CHRM2: variants seen among roughly 807,000 people sequenced by gnomAD.
CHRM2 encodes the protein muscarinic acetylcholine receptor M2.
CHRM2 carries 8 observed loss-of-function variants against 25.0 expected under a neutral mutation model. The ratio of observed to expected loss-of-function variants is 0.32; its 90% CI spans 0.19 to 0.58. CHRM2 has a LOEUF of 0.58. CHRM2 is among the 20% of genes least tolerant of loss of function. The pLI, the probability that CHRM2 is intolerant of heterozygous loss-of-function variation, is 0.88. For synonymous variants in CHRM2, 202 were observed against 205.7 expected (o/e 0.98, Z 0.15); for missense variants, 440 against 567.1 (o/e 0.78, Z 2.28).
At chr7:136,910,361 G>A (rs1226343760) in intron 2 of CHRM2, among the ~76,000 whole-genome samples, 1 of 151,740 alleles carries the variant, frequency 6.6e-6, no homozygotes, top group Admixed American at 6.6e-5. Context: ...CTTATTTTCA[G>A]GGAGTTTGAA....
rs1397644187 is a variant in CHRM2, at chr7:136,972,386, A to G, written c.-124-19801A>G. 3.3e-5 allele frequency among the ~76,000 whole-genome samples: 5 copies of G among 152,116 alleles called. No individual in the cohort carries two copies. The South Asian group carries it at 6.2e-4, about 19-fold the overall frequency. On this transcript the variant is annotated intron_variant, in intron 2 of 3. Coordinates refer to ENST00000680005, the MANE Select transcript of CHRM2 (RefSeq NM_001006630.2). ...TCCAACCTAGAGGATAGCAGCATATATTACTTTATATATCTTGTTTCCAGA... is the reference window on the plus strand; with the variant it reads ...TCCAACCTAGAGGATAGCAGCATATGTTACTTTATATATCTTGTTTCCAGA...
intron 2 of CHRM2, chr7:136,902,780 A>ATCTCGGTGGTCGCCGTAT: frequency 8.3e-6 from 2 of 241,354 alleles, no homozygotes; most frequent in Non-Finnish European, 8.1e-6. Context: ...AGACGTGTAG[A>ATCTCGGTGGTCGCCGTAT]CATTAAACTT....
chr7:136,877,382 ACTT>A (rs1356911927), intron 2 of CHRM2, among the ~76,000 whole-genome samples: 1 of 152,074 alleles, frequency 6.6e-6, no homozygotes, highest in Admixed American at 6.6e-5. Context: ...AGTCTCGGCT[ACTT>A]AAGAAATAAG....
chr7:136,892,686 T>TC (rs1796739371), intron 2 of CHRM2, among the ~76,000 whole-genome samples: 1 of 151,646 alleles, frequency 6.6e-6, no homozygotes, highest in African/African-American at 2.4e-5. Context: ...TTTTTTTTTT[T>TC]TGATACAGGG....
rs1170771699 is a variant in CHRM2, at chr7:136,868,784, A to G, written c.-491A>G. 3 of 151,724 alleles carry G rather than the reference A, an allele frequency of 2.0e-5. No homozygotes were observed. The East Asian group carries it at 5.9e-4, about 30-fold the overall frequency. 9.4% of individuals were successfully genotyped at this position (151,724 alleles called of 1,614,324 possible). ...CACACACACACACACAGACACACAC[A>G]CACTCACACACTCCAGGCTGCGGGT... On this transcript the variant is annotated 5_prime_UTR_variant, in exon 1 of 4. Coordinates refer to ENST00000680005, the MANE Select transcript of CHRM2 (RefSeq NM_001006630.2).
intron 2 of CHRM2, among the ~76,000 whole-genome samples, chr7:136,882,447 C>T (rs1485595400): frequency 6.0e-5 from 9 of 151,220 alleles, no homozygotes; most frequent in Admixed American, 6.0e-4. Flanking sequence ...CCTCCTTCCC[C>T]CTCCTTCTTC....
intron 2 of CHRM2, among the ~76,000 whole-genome samples, chr7:136,960,987 G>A (rs1158538147): frequency 6.6e-6 from 1 of 152,116 alleles, no homozygotes; most frequent in African/African-American, 2.4e-5. Context: ...AATTAGCCAG[G>A]CGTGGTGGCA....
At chr7:136,874,301 T>C (rs1007879920) in intron 2 of CHRM2, among the ~76,000 whole-genome samples, 1 of 152,210 alleles carries the variant, frequency 6.6e-6, no homozygotes, top group South Asian at 2.1e-4. Flanking sequence ...TAGGTTCCAG[T>C]TGGTTTGCCT....
chr7:136,897,974 A>C (rs1266983214), intron 2 of CHRM2, among the ~76,000 whole-genome samples: 1 of 152,108 alleles, frequency 6.6e-6, no homozygotes, highest in Non-Finnish European at 1.5e-5. Flanking sequence ...ATCAGCTTAC[A>C]CTGAGATACA....
rs1805119053 is a variant in CHRM2, at chr7:137,015,585, A to G, written c.720A>G (p.Ile240Met). The change falls in exon 4 of 4, where the codon ATA becomes ATG. Residue 240 changes from isoleucine (I) to methionine (M), a missense_variant. Physicochemically the swap from Ile to Met is conservative, Grantham distance 10 (BLOSUM62 1). This residue lies in a region of CHRM2 where 261 missense variants were observed against 261.8 expected (regional missense o/e 1.00). Coordinates refer to ENST00000680005, the MANE Select transcript of CHRM2 (RefSeq NM_001006630.2). This position sits in a 1 kb window ranked among gnomAD's most constrained non-coding sequence, Gnocchi z 5.1. ...PVSPSLVQGR[I>M]VKPNNNNMPS... ...CTCCAAGTCTGGTACAAGGAAGGAT[A>G]GTGAAGCCAAACAATAACAACATGC... The G allele has an allele frequency of 1.2e-6, 2 of 1,612,948 alleles. No homozygotes were observed.
chr7:136,891,425 T>C (rs990354654), intron 2 of CHRM2, among the ~76,000 whole-genome samples: 5 of 152,172 alleles, frequency 3.3e-5, no homozygotes, highest in Admixed American at 6.5e-5. Flanking sequence ...TGTTTTTCTC[T>C]GGTTAGAATG....
chr7:136,901,623 C>A (rs1797214696), intron 2 of CHRM2, among the ~76,000 whole-genome samples: 1 of 151,840 alleles, frequency 6.6e-6, no homozygotes, highest in African/African-American at 2.4e-5. Context: ...TTTTTTCCCC[C>A]ATTTCCATTG....
At chr7:136,893,063 T>G (rs1021486704) in intron 2 of CHRM2, among the ~76,000 whole-genome samples, 1 of 152,120 alleles carries the variant, frequency 6.6e-6, no homozygotes. Flanking sequence ...TGTTCTCTCT[T>G]CCTAAAGAGA....
intron 2 of CHRM2, among the ~76,000 whole-genome samples, chr7:136,976,882 G>A (rs2130954499): frequency 6.6e-6 from 1 of 152,254 alleles, no homozygotes; most frequent in East Asian, 1.9e-4. Flanking sequence ...ATTCACTGGT[G>A]ATATTTGCTT....
rs1805286987 is a variant in CHRM2 at position 137,018,440 on chromosome 7, A to C, written c.*2174A>C. On this transcript the variant is annotated 3_prime_UTR_variant, in exon 4 of 4. Coordinates refer to ENST00000680005, the MANE Select transcript of CHRM2 (RefSeq NM_001006630.2). The stretch of plus-strand genomic sequence containing the variant: ...ATTTTCATATTGTTTCTTCAAATGA[A>C]GGAATCAGTTGAACGGAAATAACGT... The C allele has an allele frequency of 6.6e-6, 1 of 151,928 alleles. No homozygotes were observed. The highest frequency in any genetic ancestry group is 6.6e-5 in the Admixed American group (1 of 15,210). 9.4% of individuals were successfully genotyped at this position (151,928 alleles called of 1,614,324 possible).
At chr7:136,874,038 G>A (rs1795950504) in intron 2 of CHRM2, among the ~76,000 whole-genome samples, 1 of 152,194 alleles carries the variant, frequency 6.6e-6, no homozygotes, top group Non-Finnish European at 1.5e-5. Flanking sequence ...GTTCATGATA[G>A]GAAGCAGATC....
At chr7:136,906,472 TA>T (rs1797559019) in intron 2 of CHRM2, among the ~76,000 whole-genome samples, 1 of 151,782 alleles carries the variant, frequency 6.6e-6, no homozygotes, top group South Asian at 2.1e-4. Context: ...TTGGTTTTTT[TA>T]AACCACACAT....
intron 2 of CHRM2, among the ~76,000 whole-genome samples, chr7:136,965,865 G>A (rs1019349543): frequency 1.3e-5 from 2 of 151,778 alleles, no homozygotes; most frequent in Non-Finnish European, 2.9e-5. Context: ...TATTTGGAAG[G>A]GAATACACCT....
chr7:136,981,084 G>C (rs1372305589), intron 2 of CHRM2, among the ~76,000 whole-genome samples: 1 of 152,076 alleles, frequency 6.6e-6, no homozygotes, highest in Admixed American at 6.6e-5. Flanking sequence ...GGCTTTCTTT[G>C]GTTGGTAGGG....
Sources: gnomAD v4.1 joint callset for allele counts (sites outside exome capture counted in the v4.1 genomes callset) on GRCh38, gnomAD v4.1.1 for gene constraint, gnomAD v4.1.1 regional missense constraint, Gnocchi (gnomAD v3.1) non-coding constraint, MANE v1.5 for transcripts, NCBI Gene and HGNC (gene_info 2026-07-23, HGNC 2026-07-21) for gene names.